TMEM182: variants seen among roughly 807,000 people sequenced by gnomAD.
TMEM182 encodes transmembrane protein 182.
In TMEM182, 20 loss-of-function variants were observed where a neutral mutation model predicts 26.8. The observed-to-expected ratio is 0.75, with a 90% CI of 0.53 to 1.09. The LOEUF is 1.09. Among genes scored for constraint, TMEM182 ranks in the 50% least tolerant of loss-of-function variants. TMEM182 has a pLI of 0.00. For synonymous variants in TMEM182, 109 were observed against 102.2 expected, an observed-to-expected ratio of 1.07 and a Z score of -0.40; for missense variants, 277 against 275.5, an observed-to-expected ratio of 1.01 and a Z score of -0.04.
chr2:102,794,761 A>T (rs1347195284), intron 3 of TMEM182, among the ~76,000 whole-genome samples: 1 of 152,048 alleles, frequency 6.6e-6, no homozygotes, highest in African/African-American at 2.4e-5. Context: ...TTTTATTATT[A>T]TGTGTCTTGA....
intron 1 of TMEM182, among the ~76,000 whole-genome samples, chr2:102,756,163 A>G (rs766418485): frequency 6.6e-6 from 1 of 152,208 alleles, no homozygotes; most frequent in Non-Finnish European, 1.5e-5. Flanking sequence ...CCTGGTGAGA[A>G]ATTAGTCTGG....
intron 3 of TMEM182, among the ~76,000 whole-genome samples, chr2:102,796,346 T>C (rs1004938281): frequency 2.6e-5 from 4 of 152,244 alleles, no homozygotes; most frequent in African/African-American, 9.6e-5. Flanking sequence ...GTTTTAGTTG[T>C]GATCAGTACA....
At chr2:102,764,874 A>T (rs1406571622) in intron 3 of TMEM182, among the ~76,000 whole-genome samples, 1 of 151,490 alleles carries the variant, frequency 6.6e-6, no homozygotes, top group Non-Finnish European at 1.5e-5. Flanking sequence ...ATATGTAATT[A>T]TGCTACTATA....
At chr2:102,756,846 CT>C (rs1299478321) in intron 1 of TMEM182, among the ~76,000 whole-genome samples, 1 of 151,792 alleles carries the variant, frequency 6.6e-6, no homozygotes, top group Non-Finnish European at 1.5e-5. Context: ...GGGAGTCTCA[CT>C]GTGTAGCCCA....
At chr2:102,813,392 T>C (rs1682625769) in intron 4 of TMEM182, among the ~76,000 whole-genome samples, 1 of 152,252 alleles carries the variant, frequency 6.6e-6, no homozygotes, top group Non-Finnish European at 1.5e-5. Flanking sequence ...AGTCTCAGAC[T>C]TGCATTTAGC....
At chr2:102,798,148 A>G in intron 4 of TMEM182, 148 bp downstream of exon 4, 1 of 1,071,422 alleles carries the variant, frequency 9.3e-7, no homozygotes, top group Non-Finnish European at 1.3e-6. Context: ...AACTAATAAT[A>G]TTTGTATACA....
At chr2:102,838,040 A>G (rs1683278707) in intron 3 of TMEM182, among the ~76,000 whole-genome samples, 1 of 152,224 alleles carries the variant, frequency 6.6e-6, no homozygotes, top group African/African-American at 2.4e-5. Context: ...TGCCCAAGGT[A>G]ACCCTACCCC....
chr2:102,751,143 A>G (rs1679863243), intron 1 of TMEM182, among the ~76,000 whole-genome samples: 2 of 152,122 alleles, frequency 1.3e-5, no homozygotes, highest in Admixed American at 1.3e-4. Flanking sequence ...CAGAGGTTTA[A>G]TAGGCGCAAG....
chr2:102,767,575 C>G (rs1268369336), intron 3 of TMEM182, among the ~76,000 whole-genome samples: 1 of 152,106 alleles, frequency 6.6e-6, no homozygotes, highest in Non-Finnish European at 1.5e-5. Context: ...TTGATGACCC[C>G]TCTATCAGAG....
intron 3 of TMEM182, among the ~76,000 whole-genome samples, chr2:102,786,503 G>A (rs944784528): frequency 3.3e-5 from 5 of 152,110 alleles, no homozygotes; most frequent in South Asian, 2.1e-4. Context: ...GTGAGCCACC[G>A]CGTCCAGCCT....
chr2:102,823,569 G>A (rs758345852), intron 3 of TMEM182, among the ~76,000 whole-genome samples: 3 of 151,960 alleles, frequency 2.0e-5, no homozygotes, highest in Non-Finnish European at 2.9e-5. Context: ...TCCTGACCTC[G>A]TGATCCGCCC....
At chr2:102,812,686 G>T (rs1262179494) in intron 4 of TMEM182, among the ~76,000 whole-genome samples, 8 of 152,124 alleles carry the variant, frequency 5.3e-5, no homozygotes, top group Non-Finnish European at 1.2e-4. Context: ...TTTTTGAAAA[G>T]ATAAATTTAA....
intron 3 of TMEM182, among the ~76,000 whole-genome samples, chr2:102,781,583 T>C (rs749933391): frequency 1.3e-5 from 2 of 152,008 alleles, no homozygotes; most frequent in Admixed American, 6.5e-5. Context: ...TGCTCCATTG[T>C]TACAAGGTCA....
At chr2:102,777,446 T>A (rs1412832056) in intron 3 of TMEM182, among the ~76,000 whole-genome samples, 3 of 152,118 alleles carry the variant, frequency 2.0e-5, no homozygotes, top group African/African-American at 7.2e-5. Flanking sequence ...ATTAGTTGAT[T>A]ATATTTGTGT....
intron 1 of TMEM182, chr2:102,737,090 G>A (rs1295172405): frequency 7.0e-6 from 3 of 428,572 alleles, no homozygotes; most frequent in Non-Finnish European, 4.1e-6. Context: ...TGCCCCTATC[G>A]TTGGAGGACA....
At chr2:102,758,244 A>G (rs1680106130), upstream of TMEM182, 2 of 480,478 alleles carry the variant, frequency 4.2e-6, no homozygotes, top group Admixed American at 7.5e-5. Flanking sequence ...AAGAGAGAGA[A>G]AGGGAAGAGA....
At chr2:102,784,764 G>A (rs1336645961) in intron 3 of TMEM182, among the ~76,000 whole-genome samples, 1 of 152,178 alleles carries the variant, frequency 6.6e-6, no homozygotes, top group Non-Finnish European at 1.5e-5. Flanking sequence ...AGGGTAACTT[G>A]CTGACGTTGC....
At chr2:102,746,025 A>G (rs549580837) in intron 1 of TMEM182, among the ~76,000 whole-genome samples, 1 of 152,346 alleles carries the variant, frequency 6.6e-6, no homozygotes, top group Non-Finnish European at 1.5e-5. Context: ...ACTGTTTTCC[A>G]TAGTGACTAC....
At chr2:102,830,975 C>A (rs1162368623) in intron 3 of TMEM182, among the ~76,000 whole-genome samples, 1 of 152,128 alleles carries the variant, frequency 6.6e-6, no homozygotes, top group Non-Finnish European at 1.5e-5. Flanking sequence ...CTTTCTGTGC[C>A]TGGCTTATTT....
Sources: allele counts gnomAD v4.1 joint callset (sites outside exome capture counted in the v4.1 genomes callset), GRCh38; gene constraint gnomAD v4.1.1; transcripts MANE v1.5; gene names NCBI Gene and HGNC (gene_info 2026-07-23, HGNC 2026-07-21).